CHD4: variants seen among roughly 807,000 people sequenced by gnomAD.
The protein encoded by CHD4 is ATP-dependent chromatin remodeler CHD4.
CHD4 carries 35 observed loss-of-function variants against 235.5 expected under a neutral mutation model. The ratio of observed to expected loss-of-function variants is 0.15; its 90% confidence interval spans 0.11 to 0.20. CHD4 has a LOEUF of 0.20. Ranked by LOEUF, CHD4 falls within the 10% of genes least tolerant of loss-of-function variation. The pLI is 1.00. For synonymous variants in CHD4, 900 were observed against 850.2 expected (o/e 1.06, Z -1.02); for missense variants, 1,329 against 2,432.3 (o/e 0.55, Z 9.54).
At position 6,595,986 on chromosome 12, in the gene CHD4, C is replaced by T. The variant is rs761666793; in HGVS notation, c.2024+20G>A. 6.2e-7 allele frequency: 1 copy of T among 1,600,390 alleles called. No individual in the cohort carries two copies. Among genetic ancestry groups the T allele is most frequent in the African/African-American group, 1.4e-5 (1 of 73,946 alleles). ...AAAAAAAAAAAGAAACAACTCTATG[C>T]CTCACCCAAAATCACTCACCTGTGA... On this transcript the variant is annotated intron_variant, in intron 13 of 39. Transcript: ENST00000544040.
chr12:6,594,444 C>G lies in CHD4; in HGVS notation c.2313+15G>C. On this transcript the variant is annotated intron_variant, in intron 15 of 39. Transcript: ENST00000544040. ...AACACCCACACAAAAAACTATCCAC[C>G]CCAGATTTCCTTACCTCCTTGTAAA... 2 of 1,591,820 alleles carry G rather than the reference C, an allele frequency of 1.3e-6. No individual in the cohort carries two copies. The highest frequency in any genetic ancestry group is 2.3e-5 in the South Asian group (2 of 88,778).
At chr12:6,599,748 G>T in intron 10 of CHD4, 25 bp downstream of exon 10, 1 of 1,605,088 alleles carries the variant, frequency 6.2e-7, no homozygotes, top group Non-Finnish European at 8.5e-7. Flanking sequence ...CCCATTTTTT[G>T]CCCCGGCTGA....
At chr12:6,594,763 G>A (rs1047758864) in intron 14 of CHD4, 113 bp from the exon 15 acceptor site, 41 of 923,360 alleles carry the variant, frequency 4.4e-5, no homozygotes, top group Non-Finnish European at 5.5e-5. Context: ...GAAGAGCTCC[G>A]GAAAATTCGG....
At chr12:6,600,037 G>A (rs764594317) in intron 9 of CHD4, 25 bp from the exon 10 acceptor site, 3 of 1,611,526 alleles carry the variant, frequency 1.9e-6, no homozygotes, top group East Asian at 2.2e-5. Context: ...CACAGATTCA[G>A]ATTATTACCC....
rs760012522 is a variant in CHD4, at chr12:6,600,912, G to A, written c.927+14C>T. 1.3e-6 allele frequency: 2 copies of A among 1,567,902 alleles called. No individual in the cohort carries two copies. The highest frequency in any genetic ancestry group is 2.4e-5 in the South Asian group (2 of 82,682). ...ACATGGCACCCTCCCTAAAGCGATG[G>A]GCTGGGCTCTCACCGAGGATCTCTT... On this transcript the variant is annotated intron_variant, in intron 7 of 39. Transcript: ENST00000544040.
chr12:6,600,453 C>T (rs1363115377), intron 8 of CHD4, 58 bp from the exon 9 acceptor site: 2 of 1,606,230 alleles, frequency 1.2e-6, no homozygotes, highest in African/African-American at 2.7e-5. Context: ...CCCCCACCCC[C>T]CGACCCCTAT....
At chr12:6,574,578 G>T (rs535367868) in intron 37 of CHD4, among the ~76,000 whole-genome samples, 1 of 152,176 alleles carries the variant, frequency 6.6e-6, no homozygotes, top group African/African-American at 2.4e-5. Context: ...CTCTCCTAGT[G>T]TCAGCCAGCA....
At chr12:6,592,247 C>A in intron 19 of CHD4, 146 bp downstream of exon 19, 1 of 1,257,430 alleles carries the variant, frequency 8.0e-7, no homozygotes, top group Non-Finnish European at 1.1e-6. Flanking sequence ...AAGAACTATG[C>A]GCTCCAGCGC....
At chr12:6,589,550 C>T (rs1948355993) in intron 22 of CHD4, among the ~76,000 whole-genome samples, 1 of 151,952 alleles carries the variant, frequency 6.6e-6, no homozygotes, top group South Asian at 2.1e-4. Flanking sequence ...GGGTGGTTCA[C>T]AAGGTCAGGA....
At chr12:6,579,066 G>A in intron 33 of CHD4, 149 bp from the exon 34 acceptor site, 2 of 649,318 alleles carry the variant, frequency 3.1e-6, no homozygotes, top group Non-Finnish European at 5.4e-6. Context: ...TGTAATCCCA[G>A]CATCTTGGGA....
intron 2 of CHD4, chr12:6,602,845 C>CTGTA (rs1259924023): frequency 5.2e-6 from 1 of 193,188 alleles, no homozygotes; most frequent in Non-Finnish European, 1.1e-5. Flanking sequence ...TTTAGGCCTC[C>CTGTA]TGTAACTGGC....
chr12:6,597,788 A>C lies in CHD4; in HGVS notation c.1892+106T>G, dbSNP rs1592279016. On this transcript the variant is annotated intron_variant, in intron 12 of 39. Coordinates refer to ENST00000544040, the MANE Select transcript of CHD4 (RefSeq NM_001273.5). ...TCAAAAACAAAAAACAAACAAAAAAAACCAGTGTCTTCCAAGTCTAAGTTA... is the reference window on the plus strand; with the variant it reads ...TCAAAAACAAAAAACAAACAAAAAACACCAGTGTCTTCCAAGTCTAAGTTA... The C allele has an allele frequency of 8.7e-6, 9 of 1,038,420 alleles. No individual in the cohort carries two copies. The East Asian group carries it at 1.9e-4, about 22-fold the overall frequency. 64.3% of individuals were successfully genotyped at this position (1,038,420 alleles called of 1,614,324 possible).
intron 10 of CHD4, among the ~76,000 whole-genome samples, chr12:6,599,337 G>A (rs1948550410): frequency 6.6e-6 from 1 of 151,962 alleles, no homozygotes; most frequent in African/African-American, 2.4e-5. Context: ...CTCAGCAAGA[G>A]GTTGAGATAG....
chr12:6,601,755 T>A lies in CHD4; in HGVS notation c.450A>T (p.Ser150=), dbSNP rs1483960765. The A allele has an allele frequency of 6.2e-7, 1 of 1,614,050 alleles. No individual in the cohort carries two copies. The highest frequency in any genetic ancestry group is 1.1e-5 in the South Asian group (1 of 91,080). The part of the protein sequence containing the change: ...DDDDDSKEPK[S]SAQLLEDWGM... ...CCCAGTCTTCCAGGAGCTGAGCAGA[T>A]GATTTAGGCTCCTGCAGAAAGAGCA... Residue 150 remains serine (S), a synonymous_variant, in exon 5 of 40, where the codon TCA becomes TCT. Transcript: ENST00000544040.
chr12:6,600,790 A>G, intron 7 of CHD4, 121 bp from the exon 8 acceptor site: 1 of 1,506,800 alleles, frequency 6.6e-7, no homozygotes, highest in Non-Finnish European at 8.9e-7. Context: ...TTATACAGGG[A>G]GCCTAGTCTC....
intron 33 of CHD4, among the ~76,000 whole-genome samples, chr12:6,579,981 G>A (rs1328613222): frequency 1.4e-4 from 21 of 148,662 alleles, no homozygotes; most frequent in South Asian, 2.1e-4. Context: ...GTGTGAACCC[G>A]GGAGGCGGAG....
Position 6,599,470 on chromosome 12 carries a change from T to G in CHD4, c.1482+303A>C, listed in dbSNP as rs563751676. On this transcript the variant is annotated intron_variant, in intron 10 of 39. Transcript: ENST00000544040. Reference sequence around the variant, plus strand: ...AAAAAAATTTTTTTAACAAAAAAATTGAAAACATTGTAAGCTACCAAGACC... The same window carrying G: ...AAAAAAATTTTTTTAACAAAAAAATGGAAAACATTGTAAGCTACCAAGACC... Among the ~76,000 whole-genome samples the G allele has an allele frequency of 1.4e-3, 214 of 152,124 alleles. 1 individual carries two copies. The highest frequency in any genetic ancestry group is 4.8e-3 in the African/African-American group (201 of 41,496).
chr12:6,601,920 A>T (rs764371903), intron 4 of CHD4, 40 bp downstream of exon 4: 7 of 1,603,190 alleles, frequency 4.4e-6, no homozygotes, highest in Non-Finnish European at 5.1e-6. Context: ...AAAAAGACAA[A>T]AGTTTAACAG....
intron 14 of CHD4, among the ~76,000 whole-genome samples, chr12:6,595,065 C>G (rs946860390): frequency 1.3e-5 from 2 of 152,108 alleles, no homozygotes; most frequent in Non-Finnish European, 2.9e-5. Context: ...TGCATAAAAG[C>G]TAGGCTATGT....
Sources: allele counts gnomAD v4.1 joint callset (sites outside exome capture counted in the v4.1 genomes callset), GRCh38; gene constraint gnomAD v4.1.1; transcripts MANE v1.5; gene names NCBI Gene and HGNC (gene_info 2026-07-23, HGNC 2026-07-21).